Variants in VPS13B observed in about 807,000 individuals in gnomAD.
VPS13B encodes vacuolar protein sorting 13 homolog B.
In VPS13B, 285 loss-of-function variants were observed where a neutral mutation model predicts 426.4. The observed-to-expected ratio is 0.67, with a 90% confidence interval of 0.61 to 0.74. The LOEUF is 0.74. Among genes scored for constraint, VPS13B ranks in the 30% least tolerant of loss-of-function variants. VPS13B has a pLI of 0.00. For missense variants in VPS13B, 4,537 were observed against 4,782.6 expected, an observed-to-expected ratio of 0.95 and a Z score of 1.51; for synonymous variants, 1,676 against 1,676.4, an observed-to-expected ratio of 1.00 and a Z score of 0.01.
chr8:99,780,928 C>T (rs1037326174), intron 42 of VPS13B, among the ~76,000 whole-genome samples: 1 of 152,078 alleles, frequency 6.6e-6, no homozygotes, highest in Non-Finnish European at 1.5e-5. Context: ...GTTTAGTTTC[C>T]CAAACTTGGA....
rs776623411 is a variant in VPS13B, at chr8:99,324,492, T to TA, written c.2824+49239dup. ...TTGCTTGCAGAGCTGAAAGATTTCT[T>TA]AGAGTTTTCATGGGGCTGGGGTTCT... On this transcript the variant is annotated intron_variant, in intron 19 of 61. Transcript: ENST00000357162. Among the ~76,000 whole-genome samples, 179 of 152,204 alleles carry TA rather than the reference T, an allele frequency of 1.2e-3. 2 individuals are homozygous for TA. Among genetic ancestry groups the TA allele is most frequent in the South Asian group, 2.5e-3 (12 of 4,830 alleles).
At position 99,170,103 on chromosome 8, in the gene VPS13B, C is replaced by T. The variant is rs1812240858; in HGVS notation, c.2273C>T (p.Pro758Leu). The change falls in exon 16 of 62, where the codon CCA (proline) becomes CTA (leucine). Residue 758 changes from proline (P) to leucine (L), a missense_variant. This residue lies in a region of VPS13B where 4,311 missense variants were observed against 4,474.3 expected (regional missense o/e 0.96). Transcript: ENST00000357162. ...DCSGSYCLPV[P>L]VIPSFSTALY... is the part of the protein sequence containing the mutation. The stretch of plus-strand genomic sequence containing the variant: ...AGTGGATCTTACTGCTTACCTGTAC[C>T]AGTTATTCCCTCTTTCAGCACTGCT... The T allele has an allele frequency of 8.7e-6, 14 of 1,612,962 alleles. 1 individual carries two copies. The Middle Eastern group carries it at 2.3e-3, about 266-fold the overall frequency.
At chr8:99,631,516 G>C (rs1368320001) in intron 33 of VPS13B, among the ~76,000 whole-genome samples, 1 of 151,988 alleles carries the variant, frequency 6.6e-6, no homozygotes, top group Non-Finnish European at 1.5e-5. Context: ...AGCAAAATAG[G>C]CAAAGTTTGG....
chr8:99,263,171 A>G (rs1386640446), intron 17 of VPS13B, among the ~76,000 whole-genome samples: 1 of 152,168 alleles, frequency 6.6e-6, no homozygotes, highest in Non-Finnish European at 1.5e-5. Flanking sequence ...TTTAGAGGCA[A>G]TCATTTTTCA....
chr8:99,212,042 G>A (rs1282783306), intron 17 of VPS13B, among the ~76,000 whole-genome samples: 8 of 151,782 alleles, frequency 5.3e-5, no homozygotes, highest in African/African-American at 1.9e-4. Context: ...ACAGGCGTCT[G>A]CCACCACGCC....
At chr8:99,536,802 C>A in intron 30 of VPS13B, 1 of 523,948 alleles carries the variant, frequency 1.9e-6, no homozygotes. Context: ...TGAGACACAA[C>A]CTCAGTGTTT....
intron 39 of VPS13B, among the ~76,000 whole-genome samples, chr8:99,741,257 T>G (rs1208251868): frequency 6.6e-6 from 1 of 152,150 alleles, no homozygotes; most frequent in African/African-American, 2.4e-5. Flanking sequence ...AGGGATCAAT[T>G]CAACAAGAAG....
intron 17 of VPS13B, among the ~76,000 whole-genome samples, chr8:99,195,370 C>A (rs1813856779): frequency 6.6e-6 from 1 of 152,140 alleles, no homozygotes; most frequent in African/African-American, 2.4e-5. Context: ...ACCCGTTGGC[C>A]ATTTGTCATC....
intron 19 of VPS13B, among the ~76,000 whole-genome samples, chr8:99,345,858 G>T (rs1448483492): frequency 6.6e-6 from 1 of 152,168 alleles, no homozygotes; most frequent in African/African-American, 2.4e-5. Context: ...CTCCAACCAT[G>T]AGTTATTCTT....
intron 31 of VPS13B, among the ~76,000 whole-genome samples, chr8:99,566,674 C>G (rs79873727): frequency 0.059 from 9,056 of 152,272 alleles, 359 homozygotes; most frequent in African/African-American, 0.11. Context: ...AACTCCTGAC[C>G]TCAGGTGATC....
At chr8:99,050,985 G>C (rs924443816) in intron 3 of VPS13B, among the ~76,000 whole-genome samples, 1 of 152,090 alleles carries the variant, frequency 6.6e-6, no homozygotes, top group Non-Finnish European at 1.5e-5. Flanking sequence ...TAGGTTGTCT[G>C]TTCACTCTGA....
At chr8:99,618,154 G>A (rs1828183899) in intron 33 of VPS13B, among the ~76,000 whole-genome samples, 1 of 151,980 alleles carries the variant, frequency 6.6e-6, no homozygotes, top group Admixed American at 6.6e-5. Context: ...TCCTCTGTGT[G>A]ATATTGTGAC....
chr8:99,605,782 G>T (rs557082930), intron 33 of VPS13B, among the ~76,000 whole-genome samples: 1 of 152,186 alleles, frequency 6.6e-6, no homozygotes, highest in Non-Finnish European at 1.5e-5. Flanking sequence ...GGGGCCTGAA[G>T]TTGGTCCTTT....
At chr8:99,126,330 G>A (rs1240446351) in intron 8 of VPS13B, among the ~76,000 whole-genome samples, 1 of 152,148 alleles carries the variant, frequency 6.6e-6, no homozygotes, top group Non-Finnish European at 1.5e-5. Flanking sequence ...AGGATGAGGA[G>A]TAATGGCCTT....
intron 30 of VPS13B, among the ~76,000 whole-genome samples, chr8:99,547,478 T>C (rs2133745001): frequency 6.6e-6 from 1 of 152,208 alleles, no homozygotes; most frequent in African/African-American, 2.4e-5. Flanking sequence ...TCAATTGAGC[T>C]ATAAGTGAAT....
chr8:99,630,417 T>C (rs1042639910), intron 33 of VPS13B, among the ~76,000 whole-genome samples: 1 of 152,136 alleles, frequency 6.6e-6, no homozygotes, highest in African/African-American at 2.4e-5. Flanking sequence ...AAATCCTGGC[T>C]TCTTTCTGTC....
intron 3 of VPS13B, among the ~76,000 whole-genome samples, chr8:99,066,287 C>G (rs1234028486): frequency 6.6e-6 from 1 of 152,228 alleles, no homozygotes; most frequent in Non-Finnish European, 1.5e-5. Flanking sequence ...CAGCATGGTA[C>G]TGGTACCAAA....
intron 30 of VPS13B, among the ~76,000 whole-genome samples, chr8:99,533,366 T>G (rs1823032718): frequency 6.6e-6 from 1 of 152,200 alleles, no homozygotes; most frequent in Non-Finnish European, 1.5e-5. Flanking sequence ...ACATAATTGT[T>G]TCATGCATTA....
chr8:99,329,904 A>G (rs1289908732), intron 19 of VPS13B, among the ~76,000 whole-genome samples: 2 of 151,970 alleles, frequency 1.3e-5, no homozygotes, highest in Non-Finnish European at 2.9e-5. Context: ...ATTCTGTCTC[A>G]TACATTGTTG....
Sources: allele counts gnomAD v4.1 joint callset (sites outside exome capture counted in the v4.1 genomes callset), GRCh38; gene constraint gnomAD v4.1.1; regional missense constraint gnomAD v4.1.1; transcripts MANE v1.5; gene names NCBI Gene and HGNC (gene_info 2026-07-23, HGNC 2026-07-21).